Variants in CRACDL observed in about 807,000 individuals in gnomAD.
The protein encoded by CRACDL is CRACD like.
CRACDL carries 26 observed loss-of-function variants against 70.6 expected under a neutral mutation model. That is an observed-to-expected ratio of 0.37 (90% confidence interval 0.27 to 0.51). CRACDL has a LOEUF of 0.51. Among genes scored for constraint, CRACDL ranks in the 20% least tolerant of loss-of-function variants. The probability of loss-of-function intolerance (pLI) is 0.94; values close to 1 mark genes in which losing one functional copy is unlikely to be tolerated. For synonymous variants in CRACDL, 618 were observed against 615.2 expected (o/e 1.00, Z -0.07); for missense variants, 1,283 against 1,376.9 (o/e 0.93, Z 1.08).
At chr2:98,897,157 C>T (rs983159737) in intron 1 of CRACDL, among the ~76,000 whole-genome samples, 2 of 152,124 alleles carry the variant, frequency 1.3e-5, no homozygotes, top group Admixed American at 6.5e-5. Flanking sequence ...ATTTGTTCTC[C>T]GTCACGATCG....
At chr2:98,911,759 C>T (rs1051870564) in intron 1 of CRACDL, among the ~76,000 whole-genome samples, 3 of 152,080 alleles carry the variant, frequency 2.0e-5, no homozygotes, top group African/African-American at 4.8e-5. Flanking sequence ...TGGGCCACCC[C>T]GAGAACCTGA....
chr2:98,825,007 C>T (rs750164249), intron 6 of CRACDL, among the ~76,000 whole-genome samples: 2 of 152,212 alleles, frequency 1.3e-5, no homozygotes, highest in African/African-American at 4.8e-5. Context: ...AGAGCCCACA[C>T]AAGGCAGCAG....
intron 3 of CRACDL, among the ~76,000 whole-genome samples, chr2:98,835,893 C>T (rs564604813): frequency 1.3e-4 from 20 of 152,282 alleles, no homozygotes; most frequent in Non-Finnish European, 1.8e-4. Flanking sequence ...GGTGGAGGGA[C>T]GACAGTGACA....
intron 7 of CRACDL, among the ~76,000 whole-genome samples, chr2:98,815,919 G>A (rs1260612076): frequency 1.3e-5 from 2 of 152,242 alleles, no homozygotes; most frequent in African/African-American, 2.4e-5. Context: ...GCATAGGGAT[G>A]AGAGAATAGA....
chr2:98,933,145 AG>A (rs1392836942), intron 1 of CRACDL, among the ~76,000 whole-genome samples: 1 of 152,190 alleles, frequency 6.6e-6, no homozygotes, highest in African/African-American at 2.4e-5. Context: ...TGGAAGAGCC[AG>A]GTCCCCGCTG....
rs528719382 is a variant in CRACDL, at chr2:98,880,159, C to T, written c.-10-33349G>A. On this transcript the variant is annotated intron_variant, in intron 1 of 9. Coordinates refer to ENST00000397899, the MANE Select transcript of CRACDL (RefSeq NM_207362.3). Reference sequence around the variant, plus strand: ...TCCTATTGGTACAGGTTATGTTGGACGCAGCACTGGGCATGGTACTGTAGT... The same window carrying T: ...TCCTATTGGTACAGGTTATGTTGGATGCAGCACTGGGCATGGTACTGTAGT... 6.6e-5 allele frequency among the ~76,000 whole-genome samples: 10 copies of T among 152,334 alleles called. No individual in the cohort carries two copies. In the South Asian group the frequency reaches 1.0e-3, roughly 16 times the overall value.
At chr2:98,846,137 T>C (rs1706242906) in intron 2 of CRACDL, among the ~76,000 whole-genome samples, 1 of 152,200 alleles carries the variant, frequency 6.6e-6, no homozygotes, top group Non-Finnish European at 1.5e-5. Context: ...TTAATGTCAA[T>C]TTTACAACTC....
At chr2:98,935,390 G>A (rs1709181773) in intron 1 of CRACDL, among the ~76,000 whole-genome samples, 1 of 152,186 alleles carries the variant, frequency 6.6e-6, no homozygotes, top group Non-Finnish European at 1.5e-5. Flanking sequence ...CTATGATGAA[G>A]CTTCTGTTCA....
intron 1 of CRACDL, among the ~76,000 whole-genome samples, chr2:98,854,279 CAAAAAA>C (rs1229198569): frequency 2.6e-4 from 14 of 54,220 alleles, no homozygotes; most frequent in African/African-American, 8.5e-4. Context: ...GACTCTGTCT[CAAAAAA>C]AAAAAAAAAA....
chr2:98,796,861 C>G (rs1703844477), intron 8 of CRACDL, among the ~76,000 whole-genome samples: 1 of 152,168 alleles, frequency 6.6e-6, no homozygotes, highest in Non-Finnish European at 1.5e-5. Flanking sequence ...CAAAATGGAA[C>G]CACAAGTTCC....
chr2:98,845,369 A>G (rs1217450156), intron 2 of CRACDL, among the ~76,000 whole-genome samples: 1 of 151,442 alleles, frequency 6.6e-6, no homozygotes, highest in Non-Finnish European at 1.5e-5. Context: ...GCCAATTTTT[A>G]AATTTTTTTG....
At chr2:98,878,090 G>A (rs1391782765) in intron 1 of CRACDL, among the ~76,000 whole-genome samples, 1 of 151,968 alleles carries the variant, frequency 6.6e-6, no homozygotes, top group Non-Finnish European at 1.5e-5. Context: ...GGGAGTACAG[G>A]CGTGCGCCAC....
rs957290669 is a variant in CRACDL, at chr2:98,811,535, A to G, written c.2416+10322T>C. Among the ~76,000 whole-genome samples the G allele has an allele frequency of 7.2e-5, 11 of 151,726 alleles. No individual in the cohort carries two copies. The East Asian group carries it at 1.2e-3, about 16-fold the overall frequency. On this transcript the variant is annotated intron_variant, in intron 7 of 9. Transcript: ENST00000397899. The stretch of plus-strand genomic sequence containing the variant: ...CTGTCTCAAAAAAAAAAAAAAAAAA[A>G]AAAAGAAAATTATTCTTACATTTAT...
chr2:98,905,278 C>T (rs1011972127), intron 1 of CRACDL, among the ~76,000 whole-genome samples: 11 of 147,504 alleles, frequency 7.5e-5, no homozygotes, highest in Non-Finnish European at 1.3e-4. Flanking sequence ...AGAGGCTGGG[C>T]CCTCATCTCC....
intron 3 of CRACDL, among the ~76,000 whole-genome samples, chr2:98,834,364 T>C (rs1705679030): frequency 6.6e-6 from 1 of 152,196 alleles, no homozygotes; most frequent in Non-Finnish European, 1.5e-5. Flanking sequence ...ATGAATGTCA[T>C]ACAATGGAGG....
chr2:98,830,539 T>A (rs1705497484), intron 5 of CRACDL, among the ~76,000 whole-genome samples: 1 of 152,216 alleles, frequency 6.6e-6, no homozygotes, highest in Non-Finnish European at 1.5e-5. Flanking sequence ...GGCCTCAAAA[T>A]GCAATCATTG....
rs1261405935 is a variant in CRACDL, at chr2:98,859,853, G to GA, written c.-10-13044dup. On this transcript the variant is annotated intron_variant, in intron 1 of 9. Coordinates refer to ENST00000397899, the MANE Select transcript of CRACDL (RefSeq NM_207362.3). ...AATAAAAAGCACTGAGATTGAAAGG[G>GA]AAAAAATTAAATTATTTCTATTTGT... Among the ~76,000 whole-genome samples the GA allele has an allele frequency of 5.3e-5, 8 of 152,210 alleles. 1 individual carries two copies. In the South Asian group the frequency reaches 1.2e-3, roughly 24 times the overall value.
chr2:98,918,396 G>A (rs4851176), intron 1 of CRACDL, among the ~76,000 whole-genome samples: 71,487 of 151,586 alleles, frequency 0.47, 18,568 homozygotes, highest in African/African-American at 0.68. Flanking sequence ...AGCCAGACAT[G>A]GTGGTACATG....
intron 1 of CRACDL, among the ~76,000 whole-genome samples, chr2:98,914,949 T>C (rs1708631907): frequency 6.6e-6 from 1 of 152,174 alleles, no homozygotes; most frequent in Non-Finnish European, 1.5e-5. Context: ...CTGTTTGCAG[T>C]TGGAGGGTGT....
Sources: gnomAD v4.1 joint callset for allele counts (sites outside exome capture counted in the v4.1 genomes callset) on GRCh38, gnomAD v4.1.1 for gene constraint, MANE v1.5 for transcripts, NCBI Gene and HGNC (gene_info 2026-07-23, HGNC 2026-07-21) for gene names.